NCAM1: variants seen among roughly 807,000 people sequenced by gnomAD.
The protein encoded by NCAM1 is neural cell adhesion molecule 1.
NCAM1 carries 14 observed loss-of-function variants against 109.8 expected under a neutral mutation model. The ratio of observed to expected loss-of-function variants is 0.13; its 90% CI spans 0.08 to 0.20. The LOEUF (loss-of-function observed/expected upper bound fraction) is 0.20. Ranked by LOEUF, NCAM1 falls within the 10% of genes least tolerant of loss-of-function variation. The pLI, the probability that NCAM1 is intolerant of heterozygous loss-of-function variation, is 1.00. For missense variants in NCAM1, 774 were observed against 1,109.9 expected, an observed-to-expected ratio of 0.70 and a Z score of 4.30; for synonymous variants, 418 against 442.9, an observed-to-expected ratio of 0.94 and a Z score of 0.70.
At chr11:113,072,314 T>A (rs1337034344) in intron 1 of NCAM1, among the ~76,000 whole-genome samples, 5 of 152,242 alleles carry the variant, frequency 3.3e-5, no homozygotes, top group African/African-American at 1.2e-4. Context: ...CAAAGGGCAC[T>A]GTCGTATTTC....
chr11:113,196,175 GA>G (rs1392019328), intron 1 of NCAM1, among the ~76,000 whole-genome samples: 2 of 152,170 alleles, frequency 1.3e-5, no homozygotes, highest in African/African-American at 4.8e-5. Flanking sequence ...TCCAGATCCT[GA>G]GTTCTTAATC....
At chr11:113,237,849 T>C (rs1222894908) in intron 14 of NCAM1, among the ~76,000 whole-genome samples, 3 of 149,928 alleles carry the variant, frequency 2.0e-5, no homozygotes, top group African/African-American at 7.3e-5. Context: ...CTTGCAAAGG[T>C]GAGACCATAT....
chr11:113,240,820 G>A, intron 14 of NCAM1: 1 of 1,612,662 alleles, frequency 6.2e-7, no homozygotes, highest in South Asian at 1.1e-5. Flanking sequence ...CTGTTCCATT[G>A]TCTCCACCAG....
At chr11:113,119,221 CTA>C (rs1486430381) in intron 1 of NCAM1, among the ~76,000 whole-genome samples, 4 of 150,308 alleles carry the variant, frequency 2.7e-5, no homozygotes, top group Non-Finnish European at 5.9e-5. Context: ...CTGTGAAATG[CTA>C]TTAGTTGAGT....
intron 1 of NCAM1, among the ~76,000 whole-genome samples, chr11:113,148,884 C>T (rs1942119921): frequency 6.6e-6 from 1 of 152,140 alleles, no homozygotes; most frequent in Admixed American, 6.5e-5. Context: ...GCTCTTCACT[C>T]TTCTCAGAGA....
At position 113,260,490 on chromosome 11, in the gene NCAM1, G is replaced by A. The variant is rs1945959882; in HGVS notation, c.2131+167G>A. On this transcript the variant is annotated intron_variant, in intron 17 of 19. Coordinates refer to ENST00000316851, the MANE Select transcript of NCAM1 (RefSeq NM_181351.5). ...TGCCTTGTACCTATCTGTGCAGTGG[G>A]GTGAGATGTACTGGACCCCCAGGAA... The A allele has an allele frequency of 2.6e-5, 18 of 694,656 alleles. No homozygotes were observed. In the South Asian group the frequency reaches 3.7e-4, roughly 14 times the overall value. 43.0% of individuals were successfully genotyped at this position (694,656 alleles called of 1,614,324 possible).
chr11:113,157,261 T>C (rs1555103596), intron 1 of NCAM1, among the ~76,000 whole-genome samples: 1 of 152,054 alleles, frequency 6.6e-6, no homozygotes, highest in Non-Finnish European at 1.5e-5. Context: ...GGCTCAAAAG[T>C]CTAGAGAGAG....
At chr11:113,067,285 G>A (rs572816469) in intron 1 of NCAM1, among the ~76,000 whole-genome samples, 3 of 152,230 alleles carry the variant, frequency 2.0e-5, no homozygotes, top group African/African-American at 7.2e-5. Context: ...TTTACTATCC[G>A]GTTTTCCAGA....
At chr11:113,119,083 A>G (rs1373832193) in intron 1 of NCAM1, among the ~76,000 whole-genome samples, 2 of 152,076 alleles carry the variant, frequency 1.3e-5, no homozygotes, top group East Asian at 3.9e-4. Flanking sequence ...AGACAAAGCA[A>G]AAGAGGGGAA....
intron 12 of NCAM1, 74 bp downstream of exon 12, chr11:113,232,888 T>G: frequency 7.5e-7 from 1 of 1,326,234 alleles, no homozygotes; most frequent in Middle Eastern, 2.0e-4. Context: ...ATTTGTGTAC[T>G]TGAGTGATTC....
At chr11:113,178,333 T>G (rs1288226368) in intron 1 of NCAM1, among the ~76,000 whole-genome samples, 1 of 152,192 alleles carries the variant, frequency 6.6e-6, no homozygotes, top group Non-Finnish European at 1.5e-5. Context: ...ACATCCCTGA[T>G]GCATTAATGT....
At chr11:113,085,350 T>G (rs1565427014) in intron 1 of NCAM1, among the ~76,000 whole-genome samples, 1 of 152,226 alleles carries the variant, frequency 6.6e-6, no homozygotes, top group South Asian at 2.1e-4. Context: ...CTTGCTCAGA[T>G]GAGACATGGT....
intron 2 of NCAM1, 76 bp from the exon 3 acceptor site, chr11:113,204,210 C>T: frequency 1.6e-6 from 2 of 1,217,208 alleles, no homozygotes; most frequent in African/African-American, 1.5e-5. Flanking sequence ...TCTTACTGAT[C>T]AGCCACTGTC....
chr11:113,254,418 C>A (rs1945783759), intron 15 of NCAM1, among the ~76,000 whole-genome samples: 1 of 152,228 alleles, frequency 6.6e-6, no homozygotes, highest in African/African-American at 2.4e-5. Flanking sequence ...CCTGTTACTG[C>A]TACTTCTCTA....
In NCAM1 at chr11:113,251,913, C is replaced by T. The variant is rs563156219; in HGVS notation, c.1829-3964C>T. ...TTTTCTCCCACCACAGCCCCTCCCT[C>T]ATCAGGCTTTGTGTAGAAAGCCTAA... On this transcript the variant is annotated intron_variant, in intron 15 of 19. Transcript: ENST00000316851. 1.4e-4 allele frequency among the ~76,000 whole-genome samples: 21 copies of T among 152,324 alleles called. No individual in the cohort carries two copies. The East Asian group carries it at 3.9e-3, about 28-fold the overall frequency.
At chr11:113,177,673 TC>T (rs1357476333) in intron 1 of NCAM1, among the ~76,000 whole-genome samples, 1 of 151,984 alleles carries the variant, frequency 6.6e-6, no homozygotes, top group Non-Finnish European at 1.5e-5. Context: ...CCTCAGGTGA[TC>T]CCCCCTGGCT....
At chr11:113,066,002 C>T (rs1472327174) in intron 1 of NCAM1, among the ~76,000 whole-genome samples, 6 of 152,122 alleles carry the variant, frequency 3.9e-5, no homozygotes, top group South Asian at 2.1e-4. Context: ...AAGAAGTGTG[C>T]GTGTGAACAT....
intron 1 of NCAM1, among the ~76,000 whole-genome samples, chr11:113,101,799 C>T (rs1013067415): frequency 2.0e-5 from 3 of 152,188 alleles, no homozygotes; most frequent in Non-Finnish European, 4.4e-5. Context: ...CATTGGGAAA[C>T]TGAGGCCCAG....
chr11:113,122,733 G>A (rs190357385), intron 1 of NCAM1, among the ~76,000 whole-genome samples: 2 of 152,242 alleles, frequency 1.3e-5, no homozygotes, highest in Admixed American at 1.3e-4. Flanking sequence ...ACAGTGAGCC[G>A]AGATTGCACC....
Sources: gnomAD v4.1 joint callset for allele counts (sites outside exome capture counted in the v4.1 genomes callset) on GRCh38, gnomAD v4.1.1 for gene constraint, MANE v1.5 for transcripts, NCBI Gene and HGNC (gene_info 2026-07-23, HGNC 2026-07-21) for gene names.